The following MAMDC2 variants were observed in gnomAD, a reference collection of about 807,000 sequenced individuals.
MAMDC2 encodes the protein MAM domain-containing protein 2.
Under a neutral mutation model 89.8 loss-of-function variants are expected in MAMDC2, and 57 were observed. The ratio of observed to expected loss-of-function variants is 0.63; its 90% CI spans 0.51 to 0.79. The LOEUF (loss-of-function observed/expected upper bound fraction) is 0.79. Ranked by LOEUF, MAMDC2 falls within the 30% of genes least tolerant of loss-of-function variation. The pLI, the probability that MAMDC2 is intolerant of heterozygous loss-of-function variation, is 0.00. For missense variants in MAMDC2, 800 were observed against 820.6 expected (o/e 0.97, Z 0.31); for synonymous variants, 313 against 293.4 (o/e 1.07, Z -0.68).
chr9:70,181,081 T>C (rs1269717074), intron 11 of MAMDC2, among the ~76,000 whole-genome samples: 2 of 152,240 alleles, frequency 1.3e-5, no homozygotes, highest in Non-Finnish European at 2.9e-5. Context: ...GCTAGCCAGT[T>C]TTCCCAGCAA....
intron 5 of MAMDC2, among the ~76,000 whole-genome samples, chr9:70,124,245 T>C (rs1425145832): frequency 6.6e-6 from 1 of 152,158 alleles, no homozygotes; most frequent in Non-Finnish European, 1.5e-5. Context: ...ATAAGCTTGA[T>C]TTCTGTTTCT....
chr9:70,163,984 G>A (rs1382865034), intron 9 of MAMDC2, among the ~76,000 whole-genome samples: 4 of 146,894 alleles, frequency 2.7e-5, no homozygotes, highest in Non-Finnish European at 6.0e-5. Context: ...ATCCAACTCC[G>A]AAAGTGCCTA....
intron 2 of MAMDC2, among the ~76,000 whole-genome samples, chr9:70,073,787 C>G (rs1563941771): frequency 1.3e-5 from 2 of 152,084 alleles, no homozygotes; most frequent in Admixed American, 1.3e-4. Context: ...GGCCACAAGC[C>G]CCTTCTCTCA....
intron 13 of MAMDC2, 54 bp from the exon 14 acceptor site, chr9:70,225,914 A>C (rs1204945025): frequency 1.4e-6 from 2 of 1,459,944 alleles, no homozygotes; most frequent in Admixed American, 1.8e-5. Flanking sequence ...AATACAAATT[A>C]AATATTTTTC....
rs1398308811 is a variant in MAMDC2 at position 70,143,573 on chromosome 9, C to A, written c.1158C>A (p.Asn386Lys). Residue 386 changes from asparagine (N) to lysine (K), a missense_variant, in exon 9 of 14, where the codon AAC becomes AAA. Transcript: ENST00000377182. ...TTGLGYYLLA[N>K]TKFTSQPGYI... ...TTGCAGGGTATTACCTGCTAGCCAA[C>A]ACAAAGTTCACATCTCAGCCTGGCT... The A allele has an allele frequency of 6.2e-7, 1 of 1,614,118 alleles. No homozygotes were observed. The highest frequency in any genetic ancestry group is 1.1e-5 in the South Asian group (1 of 91,086).
intron 11 of MAMDC2, among the ~76,000 whole-genome samples, chr9:70,180,774 TGATA>T (rs992404288): frequency 6.6e-6 from 1 of 152,172 alleles, no homozygotes; most frequent in Non-Finnish European, 1.5e-5. Flanking sequence ...TTTGTCAGAT[TGATA>T]GATTGCAAAA....
At chr9:70,129,319 C>G (rs1213487264) in intron 6 of MAMDC2, among the ~76,000 whole-genome samples, 1 of 152,218 alleles carries the variant, frequency 6.6e-6, no homozygotes, top group Non-Finnish European at 1.5e-5. Flanking sequence ...TTGCCTGCTT[C>G]CATCCACATA....
intron 2 of MAMDC2, among the ~76,000 whole-genome samples, chr9:70,060,777 T>C: frequency 6.6e-6 from 1 of 152,204 alleles, no homozygotes; most frequent in South Asian, 2.1e-4. Flanking sequence ...TGGCTAGGTC[T>C]TCCCAGTCCC....
chr9:70,197,004 T>A (rs2032985602), intron 11 of MAMDC2, among the ~76,000 whole-genome samples: 1 of 152,106 alleles, frequency 6.6e-6, no homozygotes, highest in African/African-American at 2.4e-5. Context: ...GTCCTGTTAA[T>A]AAGAGACAAT....
At chr9:70,112,940 C>A in intron 4 of MAMDC2, 55 bp from the exon 5 acceptor site, 1 of 1,603,124 alleles carries the variant, frequency 6.2e-7, no homozygotes, top group South Asian at 1.1e-5. Flanking sequence ...TAGTAGGATG[C>A]GTGTACCCAG....
At chr9:70,081,227 G>A (rs947023370) in intron 2 of MAMDC2, among the ~76,000 whole-genome samples, 4 of 151,988 alleles carry the variant, frequency 2.6e-5, no homozygotes, top group Admixed American at 2.6e-4. Context: ...AGGAAAATGA[G>A]GTAATGTGGT....
At position 70,080,527 on chromosome 9, in the gene MAMDC2, T is replaced by C. The variant is rs183092739; in HGVS notation, c.149-27684T>C. Reference sequence around the variant, plus strand: ...GCTGGAAATTTTTATTTTTATTTTTTACCTTAAGGTCCTCTGTTAAGAAAA... The same window carrying C: ...GCTGGAAATTTTTATTTTTATTTTTCACCTTAAGGTCCTCTGTTAAGAAAA... On this transcript the variant is annotated intron_variant, in intron 2 of 13. Coordinates refer to ENST00000377182, the MANE Select transcript of MAMDC2 (RefSeq NM_153267.5). Among the ~76,000 whole-genome samples, 24 of 152,372 alleles carry C rather than the reference T, an allele frequency of 1.6e-4. No homozygotes were observed. In the East Asian group the frequency reaches 3.3e-3, roughly 21 times the overall value.
chr9:70,065,049 A>T (rs1827235039), intron 2 of MAMDC2, among the ~76,000 whole-genome samples: 1 of 152,254 alleles, frequency 6.6e-6, no homozygotes, highest in Non-Finnish European at 1.5e-5. Context: ...TATGAAATAT[A>T]ATGAAAGAAT....
At chr9:70,154,939 C>T (rs184804451) in intron 9 of MAMDC2, among the ~76,000 whole-genome samples, 122 of 152,176 alleles carry the variant, frequency 8.0e-4, no homozygotes, top group Non-Finnish European at 1.4e-3. Context: ...TTTTACCAGC[C>T]CCCATGCAAA....
chr9:70,112,115 C>A (rs912269808), intron 4 of MAMDC2, among the ~76,000 whole-genome samples: 1 of 152,152 alleles, frequency 6.6e-6, no homozygotes, highest in African/African-American at 2.4e-5. Flanking sequence ...TCAACCTCTG[C>A]AGGACCTATC....
At chr9:70,131,638 A>G (rs747733748) in intron 7 of MAMDC2, 26 bp downstream of exon 7, 6 of 1,529,320 alleles carry the variant, frequency 3.9e-6, no homozygotes, top group Non-Finnish European at 5.4e-6. Context: ...TTGTCATTGC[A>G]TTTTGGGATG....
In MAMDC2 at chr9:70,216,528, C is replaced by T. The variant is rs1026250564; in HGVS notation, c.1652-1809C>T. On this transcript the variant is annotated intron_variant, in intron 11 of 13. Coordinates refer to ENST00000377182, the MANE Select transcript of MAMDC2 (RefSeq NM_153267.5). ...ACCTCATCTAGCCCTAATTAGCTCCCCAGTGCCCCATCTCCAATTACTATC... is the reference window on the plus strand; with the variant it reads ...ACCTCATCTAGCCCTAATTAGCTCCTCAGTGCCCCATCTCCAATTACTATC... The T allele has an allele frequency of 1.3e-5, 2 of 152,196 alleles. 1 individual carries two copies. Among genetic ancestry groups the T allele is most frequent in the South Asian group, 4.2e-4 (2 of 4,814 alleles). The allele number at this position is 152,196 out of a possible 1,614,324, so 9.4% of individuals were successfully genotyped here.
chr9:70,083,214 C>T (rs1827693784), intron 2 of MAMDC2, among the ~76,000 whole-genome samples: 1 of 152,048 alleles, frequency 6.6e-6, no homozygotes, highest in Non-Finnish European at 1.5e-5. Flanking sequence ...GGTGGTTTGC[C>T]CACTGTTGCC....
At chr9:70,050,393 CT>C (rs1419445004) in intron 2 of MAMDC2, among the ~76,000 whole-genome samples, 2 of 152,208 alleles carry the variant, frequency 1.3e-5, no homozygotes, top group Admixed American at 1.3e-4. Context: ...TGAAGAACGG[CT>C]TAAGCCTCGT....
Sources: allele counts gnomAD v4.1 joint callset (sites outside exome capture counted in the v4.1 genomes callset), GRCh38; gene constraint gnomAD v4.1.1; transcripts MANE v1.5; gene names NCBI Gene and HGNC (gene_info 2026-07-23, HGNC 2026-07-21).